Variants in ZNF536 observed in about 807,000 individuals in gnomAD.
ZNF536 encodes zinc finger protein 536.
ZNF536 carries 13 observed loss-of-function variants against 84.5 expected under a neutral mutation model. The ratio of observed to expected loss-of-function variants is 0.15; its 90% CI spans 0.10 to 0.24. ZNF536 has a LOEUF of 0.24. Among genes scored for constraint, ZNF536 ranks in the 10% least tolerant of loss-of-function variants. The pLI, the probability that ZNF536 is intolerant of heterozygous loss-of-function variation, is 1.00. For synonymous variants in ZNF536, 811 were observed against 742.5 expected, an observed-to-expected ratio of 1.09 and a Z score of -1.50; for missense variants, 1,536 against 1,747.5, an observed-to-expected ratio of 0.88 and a Z score of 2.16.
rs531796723 is a variant in ZNF536, at chr19:30,465,875, C to T, written c.2170+20143C>T. ...ATGCCATTCTCCTGTCTCAGCCTCC[C>T]GAGTAGCTGGGACTACAGGCACCCG... On this transcript the variant is annotated intron_variant, in intron 2 of 4. Coordinates refer to ENST00000355537, the MANE Select transcript of ZNF536 (RefSeq NM_014717.3). Among the ~76,000 whole-genome samples the T allele has an allele frequency of 8.1e-3, 1,226 of 152,100 alleles. 17 individuals carry two copies. Among genetic ancestry groups the T allele is most frequent in the African/African-American group, 0.029 (1,186 of 41,500 alleles).
intron 3 of ZNF536, among the ~76,000 whole-genome samples, chr19:30,542,108 A>C (rs551643635): frequency 3.3e-5 from 5 of 152,194 alleles, no homozygotes; most frequent in Non-Finnish European, 7.3e-5. Context: ...AGCAAAAAAA[A>C]CAAAAACAAA....
chr19:30,270,760 T>C (rs1372602079), intron 1 of ZNF536, among the ~76,000 whole-genome samples: 4 of 152,168 alleles, frequency 2.6e-5, no homozygotes, highest in Admixed American at 2.6e-4. Flanking sequence ...GTTTTTTTTT[T>C]TTTTTTTTAA....
chr19:30,424,871 G>A (rs2051143759), intron 1 of ZNF536, among the ~76,000 whole-genome samples: 1 of 152,152 alleles, frequency 6.6e-6, no homozygotes, highest in South Asian at 2.1e-4. Context: ...TGCCCATTCT[G>A]TCCAGGGCAC....
intron 1 of ZNF536, among the ~76,000 whole-genome samples, chr19:30,280,827 G>A (rs1186532848): frequency 6.6e-6 from 1 of 152,188 alleles, no homozygotes; most frequent in Non-Finnish European, 1.5e-5. Context: ...GCTCTGGGAC[G>A]ATATGGGAGG....
chr19:30,498,188 C>A (rs1484418152), intron 2 of ZNF536, among the ~76,000 whole-genome samples: 4 of 152,176 alleles, frequency 2.6e-5, no homozygotes, highest in Middle Eastern at 3.4e-3. Context: ...GGAATCAACA[C>A]AAATGACCGT....
intron 1 of ZNF536, among the ~76,000 whole-genome samples, chr19:30,382,000 A>G (rs1043987206): frequency 6.6e-6 from 1 of 152,070 alleles, no homozygotes; most frequent in South Asian, 2.1e-4. Context: ...GAGAGAAGAG[A>G]ATGCTTTCCA....
At chr19:30,483,484 C>A (rs2054170981) in intron 2 of ZNF536, among the ~76,000 whole-genome samples, 1 of 147,968 alleles carries the variant, frequency 6.8e-6, no homozygotes, top group Admixed American at 6.8e-5. Flanking sequence ...CCACCCCACC[C>A]CACCCCACCC....
In ZNF536 at chr19:30,605,145, A is replaced by G. The variant is rs1036364402; in HGVS notation, c.169+55631A>G. On this transcript the variant is annotated intron_variant, in intron 1 of 1. Transcript: ENST00000592773. Reference sequence around the variant, plus strand: ...CCTGCCATTGATGCTGTAGGAAGGTAATAGTGGATGGTGCGAAATGCTTTT... The same window carrying G: ...CCTGCCATTGATGCTGTAGGAAGGTGATAGTGGATGGTGCGAAATGCTTTT... 2.0e-5 allele frequency among the ~76,000 whole-genome samples: 3 copies of G among 152,216 alleles called. No homozygotes were observed. In the East Asian group the frequency reaches 5.8e-4, roughly 29 times the overall value.
At chr19:30,229,918 G>A (rs1599808403) in intron 1 of ZNF536, among the ~76,000 whole-genome samples, 1 of 152,166 alleles carries the variant, frequency 6.6e-6, no homozygotes, top group Non-Finnish European at 1.5e-5. Flanking sequence ...ATACATGACA[G>A]GCCCCTGGGC....
chr19:30,453,475 G>A (rs1810553097), intron 2 of ZNF536, among the ~76,000 whole-genome samples: 1 of 152,206 alleles, frequency 6.6e-6, no homozygotes, highest in African/African-American at 2.4e-5. Flanking sequence ...GTATGATGGG[G>A]TGGCGCCAGC....
At chr19:30,621,366 A>G (rs965296821) in intron 1 of ZNF536, among the ~76,000 whole-genome samples, 3 of 152,078 alleles carry the variant, frequency 2.0e-5, no homozygotes, top group African/African-American at 7.2e-5. Flanking sequence ...CAGAATTTTC[A>G]TTCCAGAGTT....
chr19:30,383,289 C>G (rs1184448406), intron 1 of ZNF536, among the ~76,000 whole-genome samples: 1 of 143,312 alleles, frequency 7.0e-6, no homozygotes, highest in Non-Finnish European at 1.6e-5. Flanking sequence ...GACTCTGTCT[C>G]AAAAACAAAG....
In ZNF536 at chr19:30,410,465, C is replaced by CTTTTTTTTTTTTTTT. The variant is rs201561646; in HGVS notation, c.-2-33083_-2-33069dup. ...TAAATAAACAATGAAAAGTGAAGGT[C>CTTTTTTTTTTTTTTT]TTTTTTTTTTTTTTTTTTTTTTTTT... On this transcript the variant is annotated intron_variant, in intron 1 of 4. Transcript: ENST00000355537. Among the ~76,000 whole-genome samples the CTTTTTTTTTTTTTTT allele has an allele frequency of 4.9e-5, 6 of 122,620 alleles. 1 individual carries two copies. The highest frequency in any genetic ancestry group is 2.4e-4 in the African/African-American group (6 of 24,970). 80.4% of individuals were successfully genotyped at this position (122,620 alleles called of 152,430 possible).
intron 1 of ZNF536, among the ~76,000 whole-genome samples, chr19:30,264,111 A>C (rs1243621047): frequency 6.6e-6 from 1 of 152,210 alleles, no homozygotes; most frequent in Non-Finnish European, 1.5e-5. Context: ...TAATACAGAA[A>C]GGCCACCCAC....
At chr19:30,676,044 A>G (rs769373017) in intron 1 of ZNF536, among the ~76,000 whole-genome samples, 15 of 151,670 alleles carry the variant, frequency 9.9e-5, no homozygotes, top group Non-Finnish European at 1.3e-4. Flanking sequence ...TTTTTTTAAT[A>G]GAGATGGGGT....
At chr19:30,306,400 T>G (rs1314395440) in intron 2 of ZNF536, among the ~76,000 whole-genome samples, 1 of 152,188 alleles carries the variant, frequency 6.6e-6, no homozygotes, top group Non-Finnish European at 1.5e-5. Context: ...TTTCTCTGCT[T>G]ATTCATGTCA....
intron 1 of ZNF536, among the ~76,000 whole-genome samples, chr19:30,657,247 GA>G (rs2049946883): frequency 6.6e-6 from 1 of 152,170 alleles, no homozygotes; most frequent in African/African-American, 2.4e-5. Flanking sequence ...GCTGGAACGT[GA>G]TGTCCTGTAA....
intron 2 of ZNF536, among the ~76,000 whole-genome samples, chr19:30,529,674 G>A (rs2044727961): frequency 6.6e-6 from 1 of 152,194 alleles, no homozygotes; most frequent in Non-Finnish European, 1.5e-5. Flanking sequence ...GTTGCCTGAT[G>A]TCTCCTTGTT....
chr19:30,463,844 G>A (rs2053265857), intron 2 of ZNF536, among the ~76,000 whole-genome samples: 1 of 152,006 alleles, frequency 6.6e-6, no homozygotes, highest in African/African-American at 2.4e-5. Context: ...AGGCATGGTG[G>A]TGTGGCTCGG....
Sources: gnomAD v4.1 joint callset for allele counts (sites outside exome capture counted in the v4.1 genomes callset) on GRCh38, gnomAD v4.1.1 for gene constraint, MANE v1.5 for transcripts, NCBI Gene and HGNC (gene_info 2026-07-23, HGNC 2026-07-21) for gene names.